Variants in STAB2 observed in about 807,000 individuals in gnomAD.
STAB2 encodes the protein stabilin 2.
In STAB2, 288 loss-of-function variants were observed where a neutral mutation model predicts 338.1. The ratio of observed to expected loss-of-function variants is 0.85; its 90% CI spans 0.77 to 0.94. The LOEUF is 0.94. Ranked by LOEUF, STAB2 falls within the 40% of genes least tolerant of loss-of-function variation. STAB2 has a pLI of 0.00. For missense variants in STAB2, 3,141 were observed against 3,210.1 expected (o/e 0.98, Z 0.52); for synonymous variants, 1,202 against 1,193.3 (o/e 1.01, Z -0.15).
chr12:103,625,569 CT>C (rs1198539391), intron 5 of STAB2, among the ~76,000 whole-genome samples: 2 of 152,122 alleles, frequency 1.3e-5, no homozygotes, highest in Non-Finnish European at 2.9e-5. Flanking sequence ...TCCATGTGTT[CT>C]CATTGTTCAG....
rs778414734 is a variant in STAB2, at chr12:103,735,566, G to A, written c.5536G>A (p.Ala1846Thr). 1 of 1,610,836 alleles carries A rather than the reference G, an allele frequency of 6.2e-7. No individual in the cohort carries two copies. The highest frequency in any genetic ancestry group is 8.5e-7 in the Non-Finnish European group (1 of 1,179,142). The change falls in exon 52 of 69, where the codon GCT (alanine) becomes ACT (threonine). Residue 1846 changes from alanine (A) to threonine (T), a missense_variant. Physicochemically the swap from Ala to Thr is moderately conservative, Grantham distance 58 (BLOSUM62 0). Transcript: ENST00000388887. ...TTCAGAGCTGAGTGTGAAATGTGGAGCTGGCAGGGACATCGTGAGTATCAT... is the reference window on the plus strand; with the variant it reads ...TTCAGAGCTGAGTGTGAAATGTGGAACTGGCAGGGACATCGTGAGTATCAT... ...QGSELSVKCG[A>T]GRDIGDLFLN...
rs554774681 is a variant in STAB2, at chr12:103,750,601, A to G, written c.6461A>G (p.Lys2154Arg). 9 of 1,614,154 alleles carry G rather than the reference A, an allele frequency of 5.6e-6. No homozygotes were observed. Among genetic ancestry groups the G allele is most frequent in the Admixed American group, 3.3e-5 (2 of 60,016 alleles). The part of the protein sequence containing the change: ...TGPGKHKCEC[K>R]SHYVGDGLNC... ...CAGGGCAAGCACAAGTGTGAGTGTA[A>G]AAGTCACTATGTCGGAGATGGGCTG... Residue 2154 changes from lysine (K) to arginine (R), a missense_variant, in exon 60 of 69, where the codon AAA becomes AGA. Coordinates refer to ENST00000388887, the MANE Select transcript of STAB2 (RefSeq NM_017564.10).
At chr12:103,732,825 T>G (rs1008241644) in intron 50 of STAB2, among the ~76,000 whole-genome samples, 181 bp from the exon 51 acceptor site, 8 of 152,064 alleles carry the variant, frequency 5.3e-5, no homozygotes, top group Non-Finnish European at 1.0e-4. Flanking sequence ...AAAAAAATTG[T>G]AGGTCAGAAT....
chr12:103,760,678 G>A (rs538846811), intron 65 of STAB2, among the ~76,000 whole-genome samples: 11 of 152,128 alleles, frequency 7.2e-5, no homozygotes, highest in Non-Finnish European at 1.6e-4. Flanking sequence ...CCATGATGTC[G>A]GATTCAGGTT....
rs558061630 is a variant in STAB2, at chr12:103,611,352, G to C, written c.332-9116G>C. On this transcript the variant is annotated intron_variant, in intron 3 of 68. Transcript: ENST00000388887. Reference sequence around the variant, plus strand: ...CTCTTTGTAGGTCTCTAAGGACTTGGTTTATGAATCTGGGTGCTCCTGTAT... The same window carrying C: ...CTCTTTGTAGGTCTCTAAGGACTTGCTTTATGAATCTGGGTGCTCCTGTAT... 4.7e-3 allele frequency among the ~76,000 whole-genome samples: 715 copies of C among 152,198 alleles called. 4 individuals are homozygous for C. The highest frequency in any genetic ancestry group is 0.016 in the African/African-American group (670 of 41,518).
chr12:103,587,782 C>G (rs537455065), intron 1 of STAB2, among the ~76,000 whole-genome samples: 2 of 152,180 alleles, frequency 1.3e-5, no homozygotes, highest in Non-Finnish European at 2.9e-5. Flanking sequence ...GCTGTTGGGA[C>G]CTCTAATCTT....
Position 103,692,575 on chromosome 12 carries a change from T to TTC in STAB2, c.3298-221_3298-220dup, listed in dbSNP as rs147557353. Among the ~76,000 whole-genome samples, 478 of 150,290 alleles carry TTC rather than the reference T, an allele frequency of 3.2e-3. 2 individuals are homozygous for TTC. The highest frequency in any genetic ancestry group is 0.025 in the South Asian group (119 of 4,758). On this transcript the variant is annotated intron_variant, in intron 30 of 68. Transcript: ENST00000388887. The stretch of plus-strand genomic sequence containing the variant: ...TCTTTCTTTCTCTTTCTCTTTTTCT[T>TTC]TCTCTCTCTCTCTCTCTGTCTCTGT...
At chr12:103,634,766 C>T (rs1593165733) in intron 6 of STAB2, among the ~76,000 whole-genome samples, 1 of 152,344 alleles carries the variant, frequency 6.6e-6, no homozygotes, top group Non-Finnish European at 1.5e-5. Flanking sequence ...GATTAGGGAT[C>T]CAGATCTTTC....
At chr12:103,743,218 C>T (rs1882733420) in intron 56 of STAB2, among the ~76,000 whole-genome samples, 1 of 151,956 alleles carries the variant, frequency 6.6e-6, no homozygotes, top group Non-Finnish European at 1.5e-5. Flanking sequence ...GACAGGGTTT[C>T]TCCATGTTGG....
At chr12:103,674,128 TTAAGTG>T in intron 23 of STAB2, 41 bp downstream of exon 23, 1 of 1,585,022 alleles carries the variant, frequency 6.3e-7, no homozygotes, top group Non-Finnish European at 8.6e-7. Flanking sequence ...CGCTGAGTCA[TTAAGTG>T]TAAGGGGATG....
chr12:103,715,757 G>C, intron 42 of STAB2, 58 bp from the exon 43 acceptor site: 2 of 1,605,560 alleles, frequency 1.2e-6, no homozygotes, highest in Non-Finnish European at 1.7e-6. Flanking sequence ...CCTCAAGCTG[G>C]CTTCACTTGG....
chr12:103,760,975 G>A (rs559382227), intron 65 of STAB2, among the ~76,000 whole-genome samples: 4 of 142,870 alleles, frequency 2.8e-5, no homozygotes, highest in Non-Finnish European at 6.0e-5. Flanking sequence ...TCAGTGCATG[G>A]ACGCAGCGTC....
rs1383030103 is a variant in STAB2, at chr12:103,655,280, G to A, written c.1581G>A (p.Arg527=). ...EQTIMTMLQP[R]YSKFRSLLEE... is the part of the protein sequence containing the mutation. The stretch of plus-strand genomic sequence containing the variant: ...CCATAATGACAATGCTACAACCAAG[G>A]TACAGCAAGTTCAGATCTTTGTTAG... The change falls in exon 14 of 69, where the codon AGG becomes AGA. Residue 527 remains arginine, a synonymous_variant. Transcript: ENST00000388887. 3.7e-6 allele frequency: 6 copies of A among 1,613,004 alleles called. No individual in the cohort carries two copies. Among genetic ancestry groups the A allele is most frequent in the Non-Finnish European group, 5.1e-6 (6 of 1,179,794 alleles).
Position 103,661,741 on chromosome 12 carries a change from G to A in STAB2, c.1869+978G>A, listed in dbSNP as rs535907055. Among the ~76,000 whole-genome samples, 3 of 152,242 alleles carry A rather than the reference G, an allele frequency of 2.0e-5. No individual in the cohort carries two copies. The East Asian group carries it at 5.8e-4, about 29-fold the overall frequency. ...GGGAACAAACAGTGTGAATATCCGG[G>A]GGACATTCCAGAGGGAACAGCAAGG... On this transcript the variant is annotated intron_variant, in intron 17 of 68. Transcript: ENST00000388887.
At chr12:103,646,906 T>C (rs1359601424) in intron 9 of STAB2, among the ~76,000 whole-genome samples, 1 of 152,126 alleles carries the variant, frequency 6.6e-6, no homozygotes, top group Non-Finnish European at 1.5e-5. Flanking sequence ...CTGGAAGTGC[T>C]CAACACAACT....
At chr12:103,634,837 T>G (rs1300615132) in intron 6 of STAB2, among the ~76,000 whole-genome samples, 2 of 152,166 alleles carry the variant, frequency 1.3e-5, no homozygotes, top group Non-Finnish European at 2.9e-5. Context: ...CCATCACAGA[T>G]GGGAAAGAGA....
At chr12:103,724,807 G>A (rs1191989978) in intron 44 of STAB2, among the ~76,000 whole-genome samples, 168 bp from the exon 45 acceptor site, 1 of 152,176 alleles carries the variant, frequency 6.6e-6, no homozygotes, top group Non-Finnish European at 1.5e-5. Flanking sequence ...GCCCCTATGA[G>A]CATAGGGAAT....
intron 24 of STAB2, 40 bp from the exon 25 acceptor site, chr12:103,677,413 T>C: frequency 6.3e-7 from 1 of 1,580,028 alleles, no homozygotes; most frequent in Non-Finnish European, 8.7e-7. Flanking sequence ...GTGGCTGGAC[T>C]GAGGATTCAG....
In STAB2 at chr12:103,613,688, A is replaced by C. The variant is rs201198615; in HGVS notation, c.332-6780A>C. Among the ~76,000 whole-genome samples, 15 of 152,206 alleles carry C rather than the reference A, an allele frequency of 9.9e-5. No individual in the cohort carries two copies. In the East Asian group the frequency reaches 2.7e-3, roughly 28 times the overall value. On this transcript the variant is annotated intron_variant, in intron 3 of 68. Transcript: ENST00000388887. Reference sequence around the variant, plus strand: ...AGCTCACACTAGGTGCACTGCACCCACTGTCCTGCACCCACTGTCTGACAA... The same window carrying C: ...AGCTCACACTAGGTGCACTGCACCCCCTGTCCTGCACCCACTGTCTGACAA...
Sources: gnomAD v4.1 joint callset for allele counts (sites outside exome capture counted in the v4.1 genomes callset) on GRCh38, gnomAD v4.1.1 for gene constraint, MANE v1.5 for transcripts, NCBI Gene and HGNC (gene_info 2026-07-23, HGNC 2026-07-21) for gene names.